HYDIN: variants seen among roughly 807,000 people sequenced by gnomAD.
HYDIN encodes the protein axonemal central pair apparatus protein HYDIN.
A neutral mutation model predicts 403.9 loss-of-function variants in HYDIN; 132 were observed. The ratio of observed to expected loss-of-function variants is 0.33; its 90% CI spans 0.28 to 0.38. The LOEUF (loss-of-function observed/expected upper bound fraction) is 0.38, where lower values mean the gene tolerates loss of function less well. Among genes scored for constraint, HYDIN ranks in the 10% least tolerant of loss-of-function variants. HYDIN has a pLI of 1.00. For missense variants in HYDIN, 2,827 were observed against 5,009.5 expected (o/e 0.56, Z 13.15); for synonymous variants, 1,202 against 1,891.7 (o/e 0.64, Z 9.46).
intron 78 of HYDIN, among the ~76,000 whole-genome samples, chr16:70,834,872 A>ATG (rs144727422): frequency 0.025 from 3,630 of 147,538 alleles, 161 homozygotes; most frequent in African/African-American, 0.085. Flanking sequence ...AAACATATAT[A>ATG]TATGTGTGTG....
chr16:70,943,974 A>T (rs758219808), intron 41 of HYDIN, 25 bp from the exon 42 acceptor site: 64 of 1,555,680 alleles, frequency 4.1e-5, no homozygotes, highest in Non-Finnish European at 5.5e-5. Context: ...AAGGATCAGG[A>T]GTCAGAATCT....
chr16:71,208,736 C>G (rs903064344), intron 1 of HYDIN, among the ~76,000 whole-genome samples: 3 of 152,042 alleles, frequency 2.0e-5, no homozygotes, highest in Non-Finnish European at 4.4e-5. Context: ...ACCACTGACC[C>G]CACAGAAATA....
rs1182203379 is a variant in HYDIN at position 71,027,541 on chromosome 16, T to C, written c.3042+61A>G. 6.3e-6 allele frequency: 10 copies of C among 1,596,976 alleles called. No individual in the cohort carries two copies. In the African/African-American group the frequency reaches 6.7e-5, roughly 11 times the overall value. ...AATGTCAAGGGACTTTCCTAAGAAA[T>C]AGATACAGTAGAGATTTATTTAGGA... On this transcript the variant is annotated intron_variant, in intron 20 of 85. Transcript: ENST00000393567.
intron 18 of HYDIN, among the ~76,000 whole-genome samples, chr16:71,049,979 C>T (rs1424736976): frequency 5.5e-5 from 8 of 146,350 alleles, no homozygotes; most frequent in Non-Finnish European, 1.0e-4. Flanking sequence ...TAGGATAGTA[C>T]AAGAATATAT....
At chr16:70,881,506 G>C (rs1010341448) in intron 60 of HYDIN, among the ~76,000 whole-genome samples, 4 of 145,712 alleles carry the variant, frequency 2.7e-5, no homozygotes, top group African/African-American at 1.1e-4. Flanking sequence ...TACTTGGGAG[G>C]CTGAGGCAGG....
At chr16:70,861,382 T>C (rs2039407194) in intron 69 of HYDIN, among the ~76,000 whole-genome samples, 1 of 152,132 alleles carries the variant, frequency 6.6e-6, no homozygotes, top group African/African-American at 2.4e-5. Flanking sequence ...GCAGCTCACT[T>C]AGGTCTCTGC....
intron 65 of HYDIN, among the ~76,000 whole-genome samples, chr16:70,870,837 C>CGACG (rs2040048868): frequency 1.4e-5 from 2 of 148,074 alleles, no homozygotes. Context: ...TGAGACCAGA[C>CGACG]TGGACAACAC....
chr16:70,840,101 T>C lies in HYDIN; in HGVS notation c.13006A>G (p.Thr4336Ala). ...TCTTCCTTGTTGGTAATTACCAGGG[T>C]TTGTTTGTATGGGGGCATCCCAGCT... ...YQAGMPPYKQTLVITNKEETP... is the reference protein window; with the variant it reads ...YQAGMPPYKQALVITNKEETP... Residue 4336 changes from threonine to alanine, a missense_variant, in exon 76 of 86, where the codon ACC (threonine) becomes GCC (alanine). Physicochemically the swap from Thr to Ala is moderately conservative, Grantham distance 58 (BLOSUM62 0). Coordinates refer to ENST00000393567, the MANE Select transcript of HYDIN (RefSeq NM_001270974.2). 1 of 828,166 alleles carries C rather than the reference T, an allele frequency of 1.2e-6. No individual in the cohort carries two copies. Among genetic ancestry groups the C allele is most frequent in the South Asian group, 1.6e-5 (1 of 61,214 alleles). 51.3% of individuals were successfully genotyped at this position (828,166 alleles called of 1,614,324 possible).
intron 1 of HYDIN, among the ~76,000 whole-genome samples, chr16:71,217,115 A>C (rs1407961923): frequency 6.6e-6 from 1 of 152,204 alleles, no homozygotes; most frequent in Non-Finnish European, 1.5e-5. Context: ...ATTGACTGTT[A>C]ATTTAACCTA....
At chr16:71,085,470 T>G (rs2082905158) in intron 12 of HYDIN, among the ~76,000 whole-genome samples, 1 of 149,608 alleles carries the variant, frequency 6.7e-6, no homozygotes, top group South Asian at 2.2e-4. Flanking sequence ...TGTAGATGTC[T>G]GTTAGGTCTA....
intron 23 of HYDIN, among the ~76,000 whole-genome samples, chr16:71,006,612 A>G (rs900570092): frequency 5.3e-5 from 8 of 151,972 alleles, no homozygotes; most frequent in African/African-American, 1.9e-4. Flanking sequence ...TGTAGGGCAC[A>G]GTCTCAGGAT....
At chr16:70,902,136 G>A (rs376233077) in intron 52 of HYDIN, among the ~76,000 whole-genome samples, 7 of 148,256 alleles carry the variant, frequency 4.7e-5, no homozygotes, top group South Asian at 2.2e-4. Context: ...CTGATGAAGC[G>A]TCAGTCATAT....
intron 5 of HYDIN, among the ~76,000 whole-genome samples, chr16:71,169,336 G>A (rs1209185570): frequency 6.6e-6 from 1 of 152,170 alleles, no homozygotes; most frequent in Non-Finnish European, 1.5e-5. Context: ...GGGAGGCTGA[G>A]GTGGGAGGAT....
chr16:71,141,546 C>T (rs1006729902), intron 7 of HYDIN, among the ~76,000 whole-genome samples: 1 of 151,758 alleles, frequency 6.6e-6, no homozygotes, highest in Non-Finnish European at 1.5e-5. Flanking sequence ...AAAAGGGATA[C>T]AGGACCTCTA....
chr16:71,178,314 G>A (rs1486559611), intron 4 of HYDIN, among the ~76,000 whole-genome samples: 1 of 151,604 alleles, frequency 6.6e-6, no homozygotes. Context: ...AGCTACTGGG[G>A]AGGCTGAGGC....
At chr16:71,056,293 G>T (rs1455599981) in intron 18 of HYDIN, among the ~76,000 whole-genome samples, 1 of 151,964 alleles carries the variant, frequency 6.6e-6, no homozygotes, top group African/African-American at 2.4e-5. Flanking sequence ...ATTCTTCCTT[G>T]TACTAATCAA....
At chr16:70,984,966 T>C (rs1186643841) in intron 28 of HYDIN, 4 of 492,686 alleles carry the variant, frequency 8.1e-6, no homozygotes, top group Non-Finnish European at 1.5e-5. Context: ...TTGATTGCTG[T>C]ATCCCTGGTG....
chr16:71,009,264 C>T lies in HYDIN; in HGVS notation c.3644+8865G>A, dbSNP rs536811711. Among the ~76,000 whole-genome samples the T allele has an allele frequency of 3.2e-4, 46 of 145,254 alleles. No homozygotes were observed. In the East Asian group the frequency reaches 5.1e-3, roughly 16 times the overall value. On this transcript the variant is annotated intron_variant, in intron 23 of 85. Coordinates refer to ENST00000393567, the MANE Select transcript of HYDIN (RefSeq NM_001270974.2). ...GAGGTAATATGGCAGAGGGCAGAGC[C>T]GAGGGATGATGGAAGAGACACTAGG...
At chr16:71,103,969 T>C (rs1385641629) in intron 10 of HYDIN, among the ~76,000 whole-genome samples, 1 of 152,188 alleles carries the variant, frequency 6.6e-6, no homozygotes, top group Non-Finnish European at 1.5e-5. Context: ...TAGTTTTCAG[T>C]ATATGGGTCT....
Sources: allele counts gnomAD v4.1 joint callset (sites outside exome capture counted in the v4.1 genomes callset), GRCh38; gene constraint gnomAD v4.1.1; transcripts MANE v1.5; gene names NCBI Gene and HGNC (gene_info 2026-07-23, HGNC 2026-07-21).